The following NOX4 variants were observed in gnomAD, a reference collection of about 807,000 sequenced individuals.
NOX4 encodes kidney oxidase-1.
A neutral mutation model predicts 87.6 loss-of-function variants in NOX4; 69 were observed. The observed-to-expected ratio is 0.79, with a 90% CI of 0.65 to 0.96. The LOEUF (loss-of-function observed/expected upper bound fraction) is 0.96. Among genes scored for constraint, NOX4 ranks in the 40% least tolerant of loss-of-function variants. The probability of loss-of-function intolerance (pLI) is 0.00; values close to 1 mark genes in which losing one functional copy is unlikely to be tolerated. For missense variants in NOX4, 680 were observed against 681.5 expected (o/e 1.00, Z 0.02); for synonymous variants, 275 against 238.2 (o/e 1.15, Z -1.42).
At chr11:89,338,938 G>GATGT (rs1261449206) in intron 15 of NOX4, among the ~76,000 whole-genome samples, 1 of 151,998 alleles carries the variant, frequency 6.6e-6, no homozygotes, top group Non-Finnish European at 1.5e-5. Flanking sequence ...CCTGATGCTG[G>GATGT]ATGTATTTAT....
chr11:89,536,271 C>T, the NOX4 span, among the ~76,000 whole-genome samples: 1 of 151,030 alleles, frequency 6.6e-6, no homozygotes, highest in Admixed American at 6.6e-5. Flanking sequence ...CTCAGTCTTC[C>T]GAGTAGCTGG....
chr11:89,556,773 G>C, the NOX4 span: 1 of 152,104 alleles, frequency 6.6e-6, no homozygotes, highest in African/African-American at 2.4e-5. Context: ...GTTAAGCCTT[G>C]AATACAGGTC....
chr11:89,349,185 G>A (rs1946342461), intron 13 of NOX4, among the ~76,000 whole-genome samples: 1 of 151,982 alleles, frequency 6.6e-6, no homozygotes, highest in Non-Finnish European at 1.5e-5. Context: ...TACTCAGGAG[G>A]CTGAGGCAGA....
At chr11:89,496,045 T>A (rs1946945221), upstream of NOX4, among the ~76,000 whole-genome samples, 1 of 152,182 alleles carries the variant, frequency 6.6e-6, no homozygotes, top group Admixed American at 6.5e-5. Flanking sequence ...AACTCCATCA[T>A]GTCCCTGAGG....
chr11:89,436,681 A>G (rs1405204314), intron 6 of NOX4, among the ~76,000 whole-genome samples: 2 of 152,178 alleles, frequency 1.3e-5, no homozygotes, highest in Admixed American at 6.6e-5. Context: ...TCATTATCCT[A>G]TTTTACTAAC....
At chr11:89,462,238 AATT>A (rs1945503124) in intron 2 of NOX4, among the ~76,000 whole-genome samples, 1 of 152,158 alleles carries the variant, frequency 6.6e-6, no homozygotes, top group African/African-American at 2.4e-5. Flanking sequence ...CTAAGTAGAT[AATT>A]AATACACCAT....
chr11:89,446,713 G>A (rs919437935), intron 4 of NOX4, among the ~76,000 whole-genome samples: 14 of 152,252 alleles, frequency 9.2e-5, no homozygotes, highest in Middle Eastern at 3.4e-3. Context: ...TCTGGCGTTA[G>A]TGGGAAAGGA....
At chr11:89,586,026 T>C in the NOX4 span, among the ~76,000 whole-genome samples, 1 of 152,084 alleles carries the variant, frequency 6.6e-6, no homozygotes, top group Non-Finnish European at 1.5e-5. Context: ...CCCTTACTTA[T>C]GACAGTATTT....
At chr11:89,359,677 G>A (rs1938368623) in intron 12 of NOX4, among the ~76,000 whole-genome samples, 1 of 151,920 alleles carries the variant, frequency 6.6e-6, no homozygotes, top group Admixed American at 6.6e-5. Flanking sequence ...GTTTGCTAGA[G>A]AGACCCAGAC....
intron 12 of NOX4, among the ~76,000 whole-genome samples, chr11:89,362,882 T>A (rs1172143296): frequency 1.3e-5 from 2 of 152,100 alleles, no homozygotes; most frequent in Admixed American, 6.6e-5. Flanking sequence ...ATGTAGGAAT[T>A]ACTATTTAAA....
the NOX4 span, among the ~76,000 whole-genome samples, chr11:89,537,647 C>T: frequency 2.0e-5 from 3 of 151,856 alleles, no homozygotes; most frequent in Admixed American, 1.3e-4. Context: ...ATTTTTAGAT[C>T]TAGTAATGTC....
Position 89,331,365 on chromosome 11 carries a change from T to C in NOX4, c.1616+4480A>G, listed in dbSNP as rs191568159. On this transcript the variant is annotated intron_variant, in intron 17 of 17. Coordinates refer to ENST00000263317, the MANE Select transcript of NOX4 (RefSeq NM_016931.5). ...GAAAATGTATAGCATTAAACACTTT[T>C]ATTAAGAAAAACAGTCTGAAATCAA... Among the ~76,000 whole-genome samples, 1,109 of 151,988 alleles carry C rather than the reference T, an allele frequency of 7.3e-3. 11 individuals are homozygous for C. Among genetic ancestry groups the C allele is most frequent in the Admixed American group, 0.023 (353 of 15,236 alleles).
chr11:89,365,753 CAAAAAA>C (rs1213376592), intron 12 of NOX4, among the ~76,000 whole-genome samples: 2 of 56,660 alleles, frequency 3.5e-5, no homozygotes, highest in Admixed American at 2.4e-4. Context: ...ACCACGCCCA[CAAAAAA>C]AAAAAAAAAA....
chr11:89,348,566 G>A (rs1183059490), intron 13 of NOX4, among the ~76,000 whole-genome samples: 4 of 152,168 alleles, frequency 2.6e-5, no homozygotes, highest in Non-Finnish European at 5.9e-5. Flanking sequence ...GCAGTGGGCT[G>A]TGCTGGCACC....
chr11:89,440,428 T>G (rs550711107), intron 6 of NOX4, among the ~76,000 whole-genome samples: 1 of 152,228 alleles, frequency 6.6e-6, no homozygotes. Flanking sequence ...CAAGTGATTC[T>G]CCTGCCTCAG....
intron 12 of NOX4, among the ~76,000 whole-genome samples, chr11:89,369,588 G>A (rs1164384875): frequency 2.0e-5 from 3 of 152,042 alleles, no homozygotes; most frequent in African/African-American, 7.2e-5. Context: ...ACTAGTCATG[G>A]CAACAGCAAC....
chr11:89,536,517 TC>T, the NOX4 span, among the ~76,000 whole-genome samples: 28 of 152,222 alleles, frequency 1.8e-4, no homozygotes, highest in Non-Finnish European at 2.9e-5. Flanking sequence ...ACTTTAGTTA[TC>T]TAAAGTGTTG....
intron 17 of NOX4, among the ~76,000 whole-genome samples, chr11:89,332,896 T>C (rs927220445): frequency 1.4e-4 from 21 of 151,892 alleles, no homozygotes; most frequent in African/African-American, 5.1e-4. Context: ...AATACCATCA[T>C]ATAATTCAAT....
At chr11:89,522,571 G>A in the NOX4 span, among the ~76,000 whole-genome samples, 1 of 152,050 alleles carries the variant, frequency 6.6e-6, no homozygotes, top group African/African-American at 2.4e-5. Context: ...GGGATCATTT[G>A]TACCCCAAAA....
Sources: allele counts gnomAD v4.1 joint callset (sites outside exome capture counted in the v4.1 genomes callset), GRCh38; gene constraint gnomAD v4.1.1; transcripts MANE v1.5; gene names NCBI Gene and HGNC (gene_info 2026-07-23, HGNC 2026-07-21).